Variants in CTSE observed in about 807,000 individuals in gnomAD.
The protein encoded by CTSE is cathepsin E.
CTSE carries 43 observed loss-of-function variants against 42.8 expected under a neutral mutation model. The ratio of observed to expected loss-of-function variants is 1.01; its 90% CI spans 0.79 to 1.30. The LOEUF is 1.30. CTSE is among the 50% of genes most tolerant of loss of function. The probability of loss-of-function intolerance (pLI) is 0.00; values close to 1 mark genes in which losing one functional copy is unlikely to be tolerated. For synonymous variants in CTSE, 205 were observed against 191.5 expected (o/e 1.07, Z -0.58); for missense variants, 532 against 493.5 (o/e 1.08, Z -0.74).
chr1:206,015,350 C>T (rs1265956319), intron 5 of CTSE, among the ~76,000 whole-genome samples: 1 of 152,136 alleles, frequency 6.6e-6, no homozygotes, highest in Non-Finnish European at 1.5e-5. Flanking sequence ...ATGAATTTGA[C>T]TAGTCTAGGT....
chr1:206,011,024 G>C (rs1661080237), intron 8 of CTSE, among the ~76,000 whole-genome samples: 1 of 152,014 alleles, frequency 6.6e-6, no homozygotes, highest in Non-Finnish European at 1.5e-5. Flanking sequence ...CTTCTTGAGA[G>C]GAAGGACGTG....
At chr1:206,015,489 A>G (rs2102270647) in intron 5 of CTSE, among the ~76,000 whole-genome samples, 1 of 152,222 alleles carries the variant, frequency 6.6e-6, no homozygotes, top group African/African-American at 2.4e-5. Flanking sequence ...AAGGCTGAAT[A>G]ATATTTGATT....
chr1:206,017,978 T>A (rs1661309058), intron 4 of CTSE, among the ~76,000 whole-genome samples: 1 of 152,048 alleles, frequency 6.6e-6, no homozygotes, highest in African/African-American at 2.4e-5. Context: ...CTGGCTAGGA[T>A]TTTCAGTACA....
At chr1:206,011,961 A>C (rs782572057) in intron 8 of CTSE, among the ~76,000 whole-genome samples, 9 of 152,130 alleles carry the variant, frequency 5.9e-5, no homozygotes, top group Non-Finnish European at 1.0e-4. Context: ...GAGTCTTGAT[A>C]TTCTCACCTA....
Position 206,009,793 on chromosome 1 carries a change from TGGC to T in CTSE, c.*387_*389del. 1.7e-5 allele frequency: 4 copies of T among 234,918 alleles called. No homozygotes were observed. The highest frequency in any genetic ancestry group is 1.1e-4 in the East Asian group (1 of 9,058). 14.6% of individuals were successfully genotyped at this position (234,918 alleles called of 1,614,324 possible). On this transcript the variant is annotated 3_prime_UTR_variant, in exon 9 of 9. Coordinates refer to ENST00000358184, the MANE Select transcript of CTSE (RefSeq NM_001910.4). ...GGGCAGCAGTGTAGATAAACAGGCCTGGCCGTGTGTGGATGGGTTGTCAGGGCT... is the reference window on the plus strand; with the variant it reads ...GGGCAGCAGTGTAGATAAACAGGCCTCGTGTGTGGATGGGTTGTCAGGGCT...
At chr1:206,014,987 G>T (rs920170831) in intron 5 of CTSE, among the ~76,000 whole-genome samples, 2 of 152,026 alleles carry the variant, frequency 1.3e-5, no homozygotes. Flanking sequence ...CCAGGTCTGA[G>T]CTGGAAAAAG....
At position 206,019,911 on chromosome 1, in the gene CTSE, ATATAT is replaced by A. The variant is rs757443709; in HGVS notation, c.462+1133_462+1137del. Among the ~76,000 whole-genome samples, 3 of 143,110 alleles carry A rather than the reference ATATAT, an allele frequency of 2.1e-5. No individual in the cohort carries two copies. In the Admixed American group the frequency reaches 2.1e-4, roughly 10 times the overall value. The allele number at this position is 143,110 out of a possible 152,430, so 93.9% of individuals were successfully genotyped here. A position where few individuals can be genotyped will look rare whatever the true frequency, so the allele number is the denominator to read the frequency against. On this transcript the variant is annotated intron_variant, in intron 4 of 8. Coordinates refer to ENST00000358184, the MANE Select transcript of CTSE (RefSeq NM_001910.4). ...ATATATTATTACATACAACATATTA[ATATAT>A]TATATAACACATACTATATTATTAA...
In CTSE at chr1:206,019,709, T is replaced by C. The variant is rs1490298437; in HGVS notation, c.462+1340A>G. Among the ~76,000 whole-genome samples the C allele has an allele frequency of 1.8e-4, 27 of 147,506 alleles. 1 individual carries two copies. The highest frequency in any genetic ancestry group is 1.6e-3 in the Admixed American group (23 of 14,692). ...ATTATATGTAATTAGATATATAATA[T>C]ATATGTATATGTCATAATATATATA... is the stretch of plus-strand genomic sequence containing the variant. On this transcript the variant is annotated intron_variant, in intron 4 of 8. Coordinates refer to ENST00000358184, the MANE Select transcript of CTSE (RefSeq NM_001910.4).
rs973040708 is a variant in CTSE, at chr1:206,010,085, C to T, written c.*98G>A. ...CAAGTTGCAACCCTGGAAACAGCTA[C>T]ATTCTCTGGAAAATAACTTTTTGTA... On this transcript the variant is annotated 3_prime_UTR_variant, in exon 9 of 9. Transcript: ENST00000358184. 6.7e-7 allele frequency: 1 copy of T among 1,491,226 alleles called. No homozygotes were observed. Among genetic ancestry groups the T allele is most frequent in the Non-Finnish European group, 9.3e-7 (1 of 1,073,718 alleles). 92.4% of individuals were successfully genotyped at this position (1,491,226 alleles called of 1,614,324 possible). A position where few individuals can be genotyped will look rare whatever the true frequency, so the allele number is the denominator to read the frequency against.
At chr1:206,023,107 T>G (rs200227232) in intron 1 of CTSE, 50 bp from the exon 2 acceptor site, 1 of 1,186,150 alleles carries the variant, frequency 8.4e-7, no homozygotes, top group Non-Finnish European at 1.1e-6. Context: ...GCCTCCCTCT[T>G]CCCCCCATTC....
chr1:206,023,129 T>C, intron 1 of CTSE, 72 bp from the exon 2 acceptor site: 2 of 955,044 alleles, frequency 2.1e-6, no homozygotes, highest in South Asian at 1.3e-5. Flanking sequence ...CGTCCCATTT[T>C]CTCAGGGGCC....
intron 5 of CTSE, 104 bp from the exon 6 acceptor site, chr1:206,013,998 AG>A: frequency 8.0e-7 from 1 of 1,254,438 alleles, no homozygotes; most frequent in Non-Finnish European, 1.1e-6. Context: ...CCAAGCACAC[AG>A]GTAGGCAGAA....
intron 1 of CTSE, among the ~76,000 whole-genome samples, chr1:206,023,460 G>T (rs1661512253): frequency 6.6e-6 from 1 of 151,978 alleles, no homozygotes; most frequent in Non-Finnish European, 1.5e-5. Flanking sequence ...ACAACTGCAG[G>T]TTCCTGCTCT....
At chr1:206,022,340 G>A in intron 2 of CTSE, 73 bp from the exon 3 acceptor site, 1 of 1,087,790 alleles carries the variant, frequency 9.2e-7, no homozygotes, top group Non-Finnish European at 1.4e-6. Flanking sequence ...AGGAAGCCAG[G>A]GGAAAGCTCC....
chr1:206,010,420 TGTG>T (rs2102263831), intron 8 of CTSE, 73 bp from the exon 9 acceptor site: 16 of 1,375,662 alleles, frequency 1.2e-5, no homozygotes, highest in East Asian at 4.6e-5. Context: ...AGGCTGCCTG[TGTG>T]GTGGTGGTGG....
In CTSE at chr1:206,020,957, C is replaced by T. The variant is rs1421257936; in HGVS notation, c.462+92G>A. The T allele has an allele frequency of 5.3e-6, 5 of 942,928 alleles. No individual in the cohort carries two copies. In the Admixed American group the frequency reaches 9.0e-5, roughly 17 times the overall value. The allele number at this position is 942,928 out of a possible 1,614,324, so 58.4% of individuals were successfully genotyped here. On this transcript the variant is annotated intron_variant, in intron 4 of 8. Transcript: ENST00000358184. ...AAGTTAGTGCTAACCCCTGTTTCCA[C>T]CCATTCCTGAGGCAGATTTGAAATG...
At chr1:206,013,180 T>C (rs1661164903) in intron 6 of CTSE, among the ~76,000 whole-genome samples, 1 of 152,086 alleles carries the variant, frequency 6.6e-6, no homozygotes, top group Non-Finnish European at 1.5e-5. Context: ...TCCTGCATTG[T>C]CTAGCACGGC....
rs1553278310 is a variant in CTSE at position 206,021,089 on chromosome 1, G to T, written c.422C>A (p.Thr141Asn). 1 of 1,613,608 alleles carries T rather than the reference G, an allele frequency of 6.2e-7. No homozygotes were observed. The highest frequency in any genetic ancestry group is 1.7e-5 in the Admixed American group (1 of 60,010). Residue 141 changes from threonine (T) to asparagine (N), a missense_variant, in exon 4 of 9, where the codon ACC (threonine) becomes AAC (asparagine). Transcript: ENST00000358184. Reference sequence around the variant, plus strand: ...TCCAATGATCCCGGACAAGCTCCCGGTTCCATACTGAATGGAGAAAGATTG... The same window carrying T: ...TCCAATGATCCCGGACAAGCTCCCGTTTCCATACTGAATGGAGAAAGATTG... ...PGQSFSIQYG[T>N]GSLSGIIGAD... is the part of the protein sequence containing the mutation.
intron 8 of CTSE, among the ~76,000 whole-genome samples, chr1:206,011,898 C>T (rs1398002941): frequency 6.6e-6 from 1 of 152,100 alleles, no homozygotes; most frequent in Non-Finnish European, 1.5e-5. Context: ...TAATCTTATT[C>T]TCCACTCCTC....
Sources: allele counts gnomAD v4.1 joint callset (sites outside exome capture counted in the v4.1 genomes callset), GRCh38; gene constraint gnomAD v4.1.1; transcripts MANE v1.5; gene names NCBI Gene and HGNC (gene_info 2026-07-23, HGNC 2026-07-21).